IMMP2L: variants seen among roughly 807,000 people sequenced by gnomAD.
The protein encoded by IMMP2L is mitochondrial inner membrane protease subunit 2.
A neutral mutation model predicts 19.3 loss-of-function variants in IMMP2L; 18 were observed. The ratio of observed to expected loss-of-function variants is 0.93; its 90% CI spans 0.64 to 1.38. IMMP2L has a LOEUF of 1.38. Among genes scored for constraint, IMMP2L ranks in the 40% most tolerant of loss-of-function variants. The probability of loss-of-function intolerance (pLI) is 0.00; values close to 1 mark genes in which losing one functional copy is unlikely to be tolerated. For synonymous variants in IMMP2L, 76 were observed against 73.0 expected, an observed-to-expected ratio of 1.04 and a Z score of -0.21; for missense variants, 233 against 218.2, an observed-to-expected ratio of 1.07 and a Z score of -0.43.
At chr7:110,913,845 T>C (rs1813304845) in intron 4 of IMMP2L, among the ~76,000 whole-genome samples, 1 of 152,152 alleles carries the variant, frequency 6.6e-6, no homozygotes, top group Non-Finnish European at 1.5e-5. Flanking sequence ...GTAAATTAGA[T>C]GCTTAATGAC....
chr7:111,467,938 C>T (rs111333861), intron 3 of IMMP2L, among the ~76,000 whole-genome samples: 3,081 of 152,202 alleles, frequency 0.02, 105 homozygotes, highest in African/African-American at 0.07. Flanking sequence ...AGGTTAATAA[C>T]AGGATTTGGC....
At chr7:110,859,662 G>A (rs555469217) in intron 5 of IMMP2L, among the ~76,000 whole-genome samples, 3 of 151,530 alleles carry the variant, frequency 2.0e-5, no homozygotes, top group African/African-American at 7.3e-5. Context: ...AGGATCACTT[G>A]AGCCTGGGTG....
chr7:111,071,726 G>C (rs902999929), intron 3 of IMMP2L, among the ~76,000 whole-genome samples: 2 of 152,056 alleles, frequency 1.3e-5, no homozygotes, highest in African/African-American at 4.8e-5. Flanking sequence ...AGAGCAAGGG[G>C]AAAGGGAGAA....
chr7:111,028,790 G>A (rs571939754), intron 3 of IMMP2L, among the ~76,000 whole-genome samples: 1 of 152,148 alleles, frequency 6.6e-6, no homozygotes, highest in East Asian at 1.9e-4. Flanking sequence ...AAAAGGTTAT[G>A]TATTTTAAAA....
intron 3 of IMMP2L, among the ~76,000 whole-genome samples, chr7:111,393,647 C>T (rs1249297274): frequency 2.0e-5 from 3 of 152,082 alleles, no homozygotes; most frequent in African/African-American, 7.2e-5. Context: ...CAAGGAACAA[C>T]GTATTTATTT....
intron 5 of IMMP2L, among the ~76,000 whole-genome samples, chr7:110,682,725 T>C (rs565443547): frequency 6.6e-6 from 1 of 152,216 alleles, no homozygotes; most frequent in African/African-American, 2.4e-5. Flanking sequence ...ATACCTTGCA[T>C]GTGGTTGAAA....
chr7:110,784,431 T>C (rs4730462), intron 5 of IMMP2L, among the ~76,000 whole-genome samples: 32,384 of 151,876 alleles, frequency 0.21, 4,161 homozygotes, highest in Non-Finnish European at 0.29. Context: ...TCCAAATAAC[T>C]CTTGATTCCA....
At chr7:111,037,283 C>T (rs941548274) in intron 3 of IMMP2L, among the ~76,000 whole-genome samples, 1 of 152,060 alleles carries the variant, frequency 6.6e-6, no homozygotes, top group East Asian at 1.9e-4. Flanking sequence ...GTTTTCAAGG[C>T]AGCTGTAAAC....
chr7:111,305,122 T>C (rs1415449306), intron 3 of IMMP2L, among the ~76,000 whole-genome samples: 1 of 151,834 alleles, frequency 6.6e-6, no homozygotes, highest in Non-Finnish European at 1.5e-5. Flanking sequence ...TGCTATGAAA[T>C]GGCATCTCCA....
chr7:111,229,490 C>A (rs189925125), intron 3 of IMMP2L, among the ~76,000 whole-genome samples: 266 of 152,144 alleles, frequency 1.7e-3, no homozygotes, highest in African/African-American at 5.3e-3. Context: ...AGGAAAAGTA[C>A]TGTGGAATGT....
At chr7:110,910,722 T>C (rs1304482535) in intron 4 of IMMP2L, among the ~76,000 whole-genome samples, 4 of 152,150 alleles carry the variant, frequency 2.6e-5, no homozygotes, top group African/African-American at 9.7e-5. Context: ...TTTGAAGTTG[T>C]AAGTGATTTC....
intron 4 of IMMP2L, among the ~76,000 whole-genome samples, chr7:110,896,222 T>C (rs991082961): frequency 6.6e-6 from 1 of 152,182 alleles, no homozygotes; most frequent in Non-Finnish European, 1.5e-5. Flanking sequence ...ACAGACATTA[T>C]ATAAGTTGAC....
intron 3 of IMMP2L, among the ~76,000 whole-genome samples, chr7:111,148,234 C>T (rs766531853): frequency 9.9e-5 from 15 of 152,012 alleles, no homozygotes; most frequent in Non-Finnish European, 7.4e-5. Flanking sequence ...AAACATTATG[C>T]TAACTGAAAG....
At chr7:111,375,036 G>T (rs773235971) in intron 3 of IMMP2L, among the ~76,000 whole-genome samples, 77 of 151,976 alleles carry the variant, frequency 5.1e-4, no homozygotes, top group Non-Finnish European at 2.9e-4. Context: ...ATAGCGGGGG[G>T]TCTTATACTT....
intron 3 of IMMP2L, among the ~76,000 whole-genome samples, chr7:111,142,257 T>C (rs1802980333): frequency 6.8e-6 from 1 of 147,772 alleles, no homozygotes; most frequent in Non-Finnish European, 1.5e-5. Flanking sequence ...ACCCAGGTGG[T>C]AGAGGTTGCA....
intron 4 of IMMP2L, among the ~76,000 whole-genome samples, chr7:110,905,375 G>T (rs2129547682): frequency 6.6e-6 from 1 of 151,978 alleles, no homozygotes; most frequent in African/African-American, 2.4e-5. Flanking sequence ...TTAGATTTTT[G>T]AAAACTGTCT....
At chr7:111,149,197 G>C (rs1034620424) in intron 3 of IMMP2L, among the ~76,000 whole-genome samples, 1 of 152,118 alleles carries the variant, frequency 6.6e-6, no homozygotes, top group Admixed American at 6.6e-5. Flanking sequence ...AGTTATTACA[G>C]CTTGGGATAT....
chr7:111,055,717 G>T (rs1003694146), intron 3 of IMMP2L, among the ~76,000 whole-genome samples: 20 of 152,146 alleles, frequency 1.3e-4, no homozygotes, highest in African/African-American at 4.6e-4. Flanking sequence ...AATCCATTAG[G>T]CTCCAAAGGA....
At chr7:111,423,857 C>A (rs1187080267) in intron 3 of IMMP2L, among the ~76,000 whole-genome samples, 2 of 151,724 alleles carry the variant, frequency 1.3e-5, no homozygotes, top group East Asian at 3.9e-4. Flanking sequence ...ATCAATGAAT[C>A]CAGGAACTGG....
Sources: allele counts gnomAD v4.1 joint callset (sites outside exome capture counted in the v4.1 genomes callset), GRCh38; gene constraint gnomAD v4.1.1; transcripts MANE v1.5; gene names NCBI Gene and HGNC (gene_info 2026-07-23, HGNC 2026-07-21).